The following CLASP1 variants were observed in gnomAD, a reference collection of about 807,000 sequenced individuals.
CLASP1 encodes CLIP-associating protein 1.
CLASP1 carries 38 observed loss-of-function variants against 192.3 expected under a neutral mutation model. The ratio of observed to expected loss-of-function variants is 0.20; its 90% CI spans 0.15 to 0.26. CLASP1 has a LOEUF of 0.26. CLASP1 is among the 10% of genes least tolerant of loss of function. CLASP1 has a pLI of 1.00. For missense variants in CLASP1, 1,433 were observed against 1,932.5 expected, an observed-to-expected ratio of 0.74 and a Z score of 4.85; for synonymous variants, 691 against 712.8, an observed-to-expected ratio of 0.97 and a Z score of 0.49.
chr2:121,522,460 G>C (rs2094479470), intron 6 of CLASP1, among the ~76,000 whole-genome samples: 1 of 152,180 alleles, frequency 6.6e-6, no homozygotes. Context: ...AAAGACACTA[G>C]GCAGGAAGTG....
At chr2:121,583,340 C>T (rs2061410220) in intron 2 of CLASP1, among the ~76,000 whole-genome samples, 1 of 152,190 alleles carries the variant, frequency 6.6e-6, no homozygotes, top group African/African-American at 2.4e-5. Context: ...AAGGACCATT[C>T]AAATTCCAGT....
intron 19 of CLASP1, among the ~76,000 whole-genome samples, chr2:121,434,439 A>T (rs1232561864): frequency 6.6e-6 from 1 of 151,396 alleles, no homozygotes; most frequent in East Asian, 2.0e-4. Flanking sequence ...TAATTTTTAA[A>T]TTTTCTGTAG....
rs138112462 is a variant in CLASP1, at chr2:121,361,601, G to GT, written c.4206+1570dup. 7.0e-3 allele frequency among the ~76,000 whole-genome samples: 1,061 copies of GT among 150,970 alleles called. 15 individuals are homozygous for GT. The highest frequency in any genetic ancestry group is 0.024 in the African/African-American group (970 of 41,146). ...TAAAACATTATGAAAATTTTTTGTG[G>GT]TTTTTTTTTAGGCTCATTGGCTATT... On this transcript the variant is annotated intron_variant, in intron 37 of 39. Transcript: ENST00000263710.
At chr2:121,492,389 CA>C (rs761378692) in intron 8 of CLASP1, among the ~76,000 whole-genome samples, 4,984 of 37,972 alleles carry the variant, frequency 0.13, 23 homozygotes, top group Middle Eastern at 0.2. Context: ...ACTCCCTCTC[CA>C]AAAAAAAAAA....
chr2:121,606,964 G>A (rs965061250), intron 1 of CLASP1, among the ~76,000 whole-genome samples: 3 of 152,142 alleles, frequency 2.0e-5, no homozygotes, highest in African/African-American at 4.8e-5. Flanking sequence ...GCTGAGGCAG[G>A]AGAATCGCTT....
intron 1 of CLASP1, among the ~76,000 whole-genome samples, chr2:121,636,367 A>C (rs2070870940): frequency 6.8e-6 from 1 of 146,940 alleles, no homozygotes; most frequent in East Asian, 2.0e-4. Context: ...AATAATAATA[A>C]TAATAATAAA....
intron 1 of CLASP1, among the ~76,000 whole-genome samples, chr2:121,630,023 C>T (rs1458421217): frequency 2.0e-5 from 3 of 151,860 alleles, no homozygotes; most frequent in Admixed American, 1.3e-4. Context: ...CAGGTTCAAG[C>T]TATTCTCCTG....
At chr2:121,586,020 A>G (rs2061679901) in intron 2 of CLASP1, among the ~76,000 whole-genome samples, 1 of 152,092 alleles carries the variant, frequency 6.6e-6, no homozygotes, top group South Asian at 2.1e-4. Flanking sequence ...CAACCTGACC[A>G]CTCTACTTGC....
At chr2:121,610,087 A>C (rs1204251831) in intron 1 of CLASP1, among the ~76,000 whole-genome samples, 2 of 152,244 alleles carry the variant, frequency 1.3e-5, no homozygotes, top group East Asian at 3.8e-4. Flanking sequence ...CAATTAAATC[A>C]TAAAAAGAGA....
chr2:121,455,752 C>T (rs1317380593), intron 14 of CLASP1, among the ~76,000 whole-genome samples: 3 of 152,110 alleles, frequency 2.0e-5, no homozygotes, highest in Non-Finnish European at 1.5e-5. Context: ...GTCTCAGCTA[C>T]TTGGGAGACT....
At chr2:121,627,567 T>C (rs1243581173) in intron 1 of CLASP1, among the ~76,000 whole-genome samples, 1 of 152,202 alleles carries the variant, frequency 6.6e-6, no homozygotes, top group Non-Finnish European at 1.5e-5. Flanking sequence ...AGGGCACCAC[T>C]AGGTAAAGCT....
rs181647704 is a variant in CLASP1 at position 121,421,409 on chromosome 2, G to A, written c.2213-2680C>T. Among the ~76,000 whole-genome samples, 11 of 151,804 alleles carry A rather than the reference G, an allele frequency of 7.2e-5. 1 individual carries two copies. The highest frequency in any genetic ancestry group is 1.9e-4 in the African/African-American group (8 of 41,360). ...ATTACAGGTGCACACCGCCATGCCC[G>A]GCTAATTTTTTGTAGTTTAGTAGGG... On this transcript the variant is annotated intron_variant, in intron 22 of 39. Transcript: ENST00000263710.
At position 121,632,395 on chromosome 2, in the gene CLASP1, A is replaced by T. The variant is rs190613015; in HGVS notation, c.-286+16977T>A. Among the ~76,000 whole-genome samples, 455 of 152,348 alleles carry T rather than the reference A, an allele frequency of 3.0e-3. 3 individuals are homozygous for T. The highest frequency in any genetic ancestry group is 4.6e-3 in the Non-Finnish European group (310 of 68,040). ...GGAATTTATTCATATATGTGCAAAA[A>T]TAATATATTATAGAATTATTCTTTG... On this transcript the variant is annotated intron_variant, in intron 1 of 39. Coordinates refer to ENST00000263710, the Ensembl canonical transcript of CLASP1.
At chr2:121,627,499 T>C (rs532486029) in intron 1 of CLASP1, among the ~76,000 whole-genome samples, 3 of 152,304 alleles carry the variant, frequency 2.0e-5, no homozygotes, top group South Asian at 4.1e-4. Context: ...AGGCTCTACT[T>C]TTCCAATTCC....
At chr2:121,431,388 C>G (rs1184352500) in intron 19 of CLASP1, among the ~76,000 whole-genome samples, 1 of 152,098 alleles carries the variant, frequency 6.6e-6, no homozygotes, top group Non-Finnish European at 1.5e-5. Context: ...TCCCATTTTA[C>G]AGATGAGAAA....
chr2:121,429,023 T>G (rs943938055), intron 20 of CLASP1, among the ~76,000 whole-genome samples: 1 of 152,194 alleles, frequency 6.6e-6, no homozygotes, highest in African/African-American at 2.4e-5. Context: ...TGTATCACAC[T>G]ACACAATACA....
At chr2:121,416,546 G>C (rs1018624333) in intron 23 of CLASP1, among the ~76,000 whole-genome samples, 1 of 152,124 alleles carries the variant, frequency 6.6e-6, no homozygotes, top group African/African-American at 2.4e-5. Context: ...AACCTTCAGA[G>C]GATGTGTAGT....
chr2:121,531,031 T>C (rs532435169), intron 2 of CLASP1: 48 of 699,970 alleles, frequency 6.9e-5, no homozygotes, highest in Admixed American at 1.8e-4. Flanking sequence ...TTCATAGACT[T>C]ATCAGTTCAA....
At chr2:121,420,368 G>C (rs775325530) in intron 22 of CLASP1, among the ~76,000 whole-genome samples, 5 of 152,276 alleles carry the variant, frequency 3.3e-5, no homozygotes, top group Non-Finnish European at 5.9e-5. Context: ...TAAAAAACTA[G>C]GGAGCGTGTG....
Sources: allele counts gnomAD v4.1 joint callset (sites outside exome capture counted in the v4.1 genomes callset), GRCh38; gene constraint gnomAD v4.1.1; transcripts MANE v1.5; gene names NCBI Gene and HGNC (gene_info 2026-07-23, HGNC 2026-07-21).